The following PDE4D variants were observed in gnomAD, a reference collection of about 807,000 sequenced individuals.
The protein encoded by PDE4D is 3',5'-cyclic-AMP phosphodiesterase 4D.
In PDE4D, 24 loss-of-function variants were observed where a neutral mutation model predicts 87.4. The observed-to-expected ratio is 0.27, with a 90% confidence interval of 0.20 to 0.39. The LOEUF (loss-of-function observed/expected upper bound fraction) is 0.39. PDE4D is among the 10% of genes least tolerant of loss of function. The pLI is 1.00. For synonymous variants in PDE4D, 384 were observed against 383.2 expected (o/e 1.00, Z -0.02); for missense variants, 714 against 1,041.0 (o/e 0.69, Z 4.32).
intron 1 of PDE4D, among the ~76,000 whole-genome samples, chr5:59,391,276 T>C (rs1200272136): frequency 6.6e-6 from 1 of 152,188 alleles, no homozygotes; most frequent in African/African-American, 2.4e-5. Context: ...GGGACTTCAT[T>C]TGAATAAGAT....
At chr5:59,639,849 G>A (rs1313726458) in intron 1 of PDE4D, among the ~76,000 whole-genome samples, 1 of 143,328 alleles carries the variant, frequency 7.0e-6, no homozygotes, top group Non-Finnish European at 1.5e-5. Context: ...GTGTGTGTGT[G>A]TGTGTGTGAT....
intron 1 of PDE4D, among the ~76,000 whole-genome samples, chr5:59,777,819 A>G (rs1025642122): frequency 6.6e-6 from 1 of 152,168 alleles, no homozygotes; most frequent in African/African-American, 2.4e-5. Flanking sequence ...AAAATCATAA[A>G]CCATTTTTTT....
chr5:60,518,018 C>A (rs186168157), intron 1 of PDE4D, among the ~76,000 whole-genome samples: 2 of 152,230 alleles, frequency 1.3e-5, no homozygotes, highest in African/African-American at 2.4e-5. Flanking sequence ...TAGTTCCTGG[C>A]GTCTCCAAGC....
chr5:60,320,262 G>T (rs1021792107), intron 1 of PDE4D, among the ~76,000 whole-genome samples: 2 of 152,232 alleles, frequency 1.3e-5, no homozygotes, highest in Non-Finnish European at 2.9e-5. Context: ...AGGCTCCGTG[G>T]GCATAGGACC....
In PDE4D at chr5:59,369,727, C is replaced by T. The variant is rs540739668; in HGVS notation, c.456-153759G>A. Among the ~76,000 whole-genome samples the T allele has an allele frequency of 6.6e-5, 10 of 152,210 alleles. No individual in the cohort carries two copies. The East Asian group carries it at 1.9e-3, about 29-fold the overall frequency. On this transcript the variant is annotated intron_variant, in intron 1 of 14. Coordinates refer to ENST00000340635, the MANE Select transcript of PDE4D (RefSeq NM_001104631.2). ...TAAAAAATTCTGTAAACGGTCTCAG[C>T]AGGCTCCTTTGTACTGCAGAAAGCC...
At chr5:60,431,704 T>C (rs1744327457) in intron 1 of PDE4D, among the ~76,000 whole-genome samples, 1 of 152,072 alleles carries the variant, frequency 6.6e-6, no homozygotes, top group South Asian at 2.1e-4. Flanking sequence ...CTCGACACTT[T>C]GGGAGGCCAA....
chr5:59,145,673 T>C (rs143532213), intron 5 of PDE4D, among the ~76,000 whole-genome samples: 9 of 152,312 alleles, frequency 5.9e-5, no homozygotes, highest in Admixed American at 2.6e-4. Flanking sequence ...ATAAAAGTTA[T>C]ACTATATCTA....
chr5:59,750,288 C>T (rs988788128), intron 1 of PDE4D, among the ~76,000 whole-genome samples: 1 of 152,020 alleles, frequency 6.6e-6, no homozygotes, highest in Non-Finnish European at 1.5e-5. Flanking sequence ...ATTCCTACTA[C>T]TAACACTTTT....
chr5:60,005,909 G>A (rs963073126), intron 2 of PDE4D, among the ~76,000 whole-genome samples: 3 of 151,638 alleles, frequency 2.0e-5, no homozygotes, highest in Admixed American at 1.3e-4. Context: ...TAATGATTTC[G>A]ATCTGTTAAC....
chr5:59,060,160 G>A (rs553653245), intron 5 of PDE4D, among the ~76,000 whole-genome samples: 10 of 152,218 alleles, frequency 6.6e-5, no homozygotes, highest in African/African-American at 2.4e-4. Context: ...GAAGTTGATG[G>A]CTGGAGTCGG....
chr5:59,000,264 A>G (rs779353302), intron 6 of PDE4D, among the ~76,000 whole-genome samples: 20 of 152,196 alleles, frequency 1.3e-4, no homozygotes, highest in Non-Finnish European at 2.2e-4. Context: ...TTTTCTATGA[A>G]TTTTAATGTC....
At chr5:59,826,745 G>T (rs914598027) in intron 1 of PDE4D, among the ~76,000 whole-genome samples, 4 of 152,010 alleles carry the variant, frequency 2.6e-5, no homozygotes, top group African/African-American at 7.2e-5. Context: ...TGGGAAAATA[G>T]AAAATAGTCA....
intron 5 of PDE4D, among the ~76,000 whole-genome samples, chr5:59,146,198 A>T (rs12658004): frequency 0.49 from 74,848 of 151,814 alleles, 18,621 homozygotes; most frequent in Admixed American, 0.53. Flanking sequence ...ACTAAAAAAA[A>T]ATATACACAT....
intron 1 of PDE4D, among the ~76,000 whole-genome samples, chr5:60,343,734 A>T (rs1210739473): frequency 6.6e-6 from 1 of 152,006 alleles, no homozygotes; most frequent in African/African-American, 2.4e-5. Flanking sequence ...AATCTCTACC[A>T]TCAAAAAGCT....
chr5:60,275,193 T>C (rs1176194365), intron 1 of PDE4D, among the ~76,000 whole-genome samples: 9 of 152,162 alleles, frequency 5.9e-5, no homozygotes, highest in Admixed American at 5.9e-4. Flanking sequence ...CATCAGTATA[T>C]TTTTAAGCTC....
intron 1 of PDE4D, among the ~76,000 whole-genome samples, chr5:59,337,408 T>G (rs1325336575): frequency 2.1e-5 from 3 of 143,246 alleles, no homozygotes; most frequent in Non-Finnish European, 4.6e-5. Context: ...CTCGGCTCAC[T>G]GCAGGCTCCG....
At chr5:59,528,893 T>C (rs890893525) in intron 1 of PDE4D, 2 of 339,884 alleles carry the variant, frequency 5.9e-6, no homozygotes, top group African/African-American at 4.3e-5. Flanking sequence ...CCATCGCACC[T>C]GGCCACTCTG....
At chr5:59,731,118 A>T (rs1487690597) in intron 1 of PDE4D, among the ~76,000 whole-genome samples, 1 of 149,906 alleles carries the variant, frequency 6.7e-6, no homozygotes, top group Non-Finnish European at 1.5e-5. Flanking sequence ...ATGTCTAGTT[A>T]AAAAAAACAA....
chr5:60,249,623 G>C (rs187272979), intron 1 of PDE4D, among the ~76,000 whole-genome samples: 5 of 152,136 alleles, frequency 3.3e-5, no homozygotes, highest in Admixed American at 3.3e-4. Context: ...ACAGCAGTGA[G>C]TTTACATTGG....
Sources: allele counts gnomAD v4.1 joint callset (sites outside exome capture counted in the v4.1 genomes callset), GRCh38; gene constraint gnomAD v4.1.1; transcripts MANE v1.5; gene names NCBI Gene and HGNC (gene_info 2026-07-23, HGNC 2026-07-21).